The following CALN1 variants were observed in gnomAD, a reference collection of about 807,000 sequenced individuals.
CALN1 encodes the protein calcium-binding protein 8.
Under a neutral mutation model 30.6 loss-of-function variants are expected in CALN1, and 17 were observed. The ratio of observed to expected loss-of-function variants is 0.56; its 90% CI spans 0.38 to 0.83. The LOEUF (loss-of-function observed/expected upper bound fraction) is 0.83. Among genes scored for constraint, CALN1 ranks in the 40% least tolerant of loss-of-function variants. The pLI, the probability that CALN1 is intolerant of heterozygous loss-of-function variation, is 0.00. For missense variants in CALN1, 291 were observed against 354.9 expected (o/e 0.82, Z 1.45); for synonymous variants, 156 against 131.4 (o/e 1.19, Z -1.28).
chr7:72,284,758 G>T (rs142584356), intron 2 of CALN1, among the ~76,000 whole-genome samples: 5 of 152,058 alleles, frequency 3.3e-5, no homozygotes, highest in Non-Finnish European at 7.4e-5. Context: ...AATTTTCAGA[G>T]TCTGTAACTG....
chr7:72,266,254 GAAGT>G (rs1217554028), intron 3 of CALN1, among the ~76,000 whole-genome samples: 2 of 152,108 alleles, frequency 1.3e-5, no homozygotes, highest in Non-Finnish European at 2.9e-5. Flanking sequence ...ATTACTAGAA[GAAGT>G]ATGTTTTGAA....
chr7:71,812,796 T>G (rs1788032394), intron 5 of CALN1, among the ~76,000 whole-genome samples: 1 of 152,058 alleles, frequency 6.6e-6, no homozygotes, highest in Admixed American at 6.6e-5. Flanking sequence ...CAGGCTGATA[T>G]GCTGTGGTGT....
At chr7:72,205,055 T>C (rs1276937859) in intron 3 of CALN1, among the ~76,000 whole-genome samples, 3 of 152,156 alleles carry the variant, frequency 2.0e-5, no homozygotes, top group African/African-American at 7.2e-5. Flanking sequence ...TGGATAGAAA[T>C]TGACATTTTG....
chr7:71,880,414 C>T (rs186779573), intron 5 of CALN1, among the ~76,000 whole-genome samples: 4 of 152,266 alleles, frequency 2.6e-5, no homozygotes, highest in Middle Eastern at 3.4e-3. Context: ...GTGTCTCAGG[C>T]TGCCCTTGAA....
chr7:72,317,783 G>C (rs1800588472), intron 2 of CALN1, among the ~76,000 whole-genome samples: 2 of 152,186 alleles, frequency 1.3e-5, no homozygotes, highest in Non-Finnish European at 1.5e-5. Flanking sequence ...CTCCCTCCAA[G>C]AGACACCAGC....
At chr7:72,348,887 C>T (rs1802780855) in intron 2 of CALN1, among the ~76,000 whole-genome samples, 2 of 152,170 alleles carry the variant, frequency 1.3e-5, no homozygotes, top group Admixed American at 6.5e-5. Context: ...AACAACATAA[C>T]ACCCACAGTG....
intron 3 of CALN1, among the ~76,000 whole-genome samples, chr7:72,223,835 C>A (rs1406279259): frequency 6.6e-6 from 1 of 152,158 alleles, no homozygotes; most frequent in Non-Finnish European, 1.5e-5. Context: ...AGAAGGAAAT[C>A]GTGTCCTCGG....
intron 1 of CALN1, among the ~76,000 whole-genome samples, chr7:72,411,156 G>A (rs1807111991): frequency 6.6e-6 from 1 of 151,910 alleles, no homozygotes; most frequent in Non-Finnish European, 1.5e-5. Flanking sequence ...TTACAGATTT[G>A]AAAAAAACTA....
At chr7:72,031,236 G>A (rs1189756532) in intron 4 of CALN1, among the ~76,000 whole-genome samples, 4 of 152,118 alleles carry the variant, frequency 2.6e-5, no homozygotes, top group South Asian at 2.1e-4. Context: ...GTGCTATGGC[G>A]ACCAGGTACA....
At chr7:72,152,006 T>G (rs765921254) in intron 3 of CALN1, among the ~76,000 whole-genome samples, 1 of 151,704 alleles carries the variant, frequency 6.6e-6, no homozygotes, top group Non-Finnish European at 1.5e-5. Context: ...TCTCCTGAGT[T>G]CAAGTGATTC....
At chr7:72,361,704 T>C (rs1315384087) in intron 2 of CALN1, among the ~76,000 whole-genome samples, 2 of 152,086 alleles carry the variant, frequency 1.3e-5, no homozygotes, top group Admixed American at 6.6e-5. Flanking sequence ...AACTGAGTAG[T>C]GGGGAGAACA....
At chr7:72,417,107 C>T (rs557042057), upstream of CALN1, among the ~76,000 whole-genome samples, 11 of 152,288 alleles carry the variant, frequency 7.2e-5, no homozygotes, top group South Asian at 4.1e-4. Context: ...TGAGTACAGG[C>T]GGAGGGCGGT....
At chr7:72,129,138 A>G (rs148662076) in intron 3 of CALN1, among the ~76,000 whole-genome samples, 11 of 152,218 alleles carry the variant, frequency 7.2e-5, no homozygotes, top group Non-Finnish European at 1.3e-4. Flanking sequence ...AGCCCAACTC[A>G]TAATCAGAGA....
chr7:72,448,279 G>T (rs1585740920), upstream of CALN1, among the ~76,000 whole-genome samples: 1 of 152,338 alleles, frequency 6.6e-6, no homozygotes, highest in East Asian at 1.9e-4. Flanking sequence ...GCATGGCCAG[G>T]AGTGGAACAG....
chr7:71,919,385 CTTCA>C (rs910608248), intron 5 of CALN1, among the ~76,000 whole-genome samples: 4 of 152,210 alleles, frequency 2.6e-5, no homozygotes, highest in African/African-American at 7.2e-5. Flanking sequence ...AGTGGGCTGA[CTTCA>C]TTCATTCATT....
chr7:72,015,183 A>ATT (rs1800306644), intron 5 of CALN1, among the ~76,000 whole-genome samples: 1 of 152,218 alleles, frequency 6.6e-6, no homozygotes, highest in African/African-American at 2.4e-5. Context: ...AAAAACCCAA[A>ATT]TTACCAAGCC....
rs576853755 is a variant in CALN1, at chr7:72,268,004, C to T, written c.244+10682G>A. 9.2e-5 allele frequency among the ~76,000 whole-genome samples: 14 copies of T among 152,178 alleles called. No individual in the cohort carries two copies. In the East Asian group the frequency reaches 2.7e-3, roughly 29 times the overall value. On this transcript the variant is annotated intron_variant, in intron 3 of 6. Coordinates refer to ENST00000395275, the MANE Select transcript of CALN1 (RefSeq NM_031468.4). ...CCGGGGCAACAGAATGACAGTCTGT[C>T]TTTAAAATTTTTTAAATAAATAAAT...
chr7:72,168,665 C>A (rs756842139), intron 3 of CALN1, among the ~76,000 whole-genome samples: 1 of 152,042 alleles, frequency 6.6e-6, no homozygotes, highest in Non-Finnish European at 1.5e-5. Context: ...CTAATTCAGT[C>A]TATTATCATA....
chr7:72,420,874 GA>G (rs755978473), intron 1 of CALN1, among the ~76,000 whole-genome samples: 70 of 151,982 alleles, frequency 4.6e-4, no homozygotes, highest in Non-Finnish European at 8.1e-4. Context: ...TCAGCCTCCC[GA>G]AGTGCTGGGA....
Sources: gnomAD v4.1 joint callset for allele counts (sites outside exome capture counted in the v4.1 genomes callset) on GRCh38, gnomAD v4.1.1 for gene constraint, MANE v1.5 for transcripts, NCBI Gene and HGNC (gene_info 2026-07-23, HGNC 2026-07-21) for gene names.